ERC2: variants seen among roughly 807,000 people sequenced by gnomAD.
The protein encoded by ERC2 is ELKS/RAB6-interacting/CAST family member 2.
In ERC2, 42 loss-of-function variants were observed where a neutral mutation model predicts 114.8. The observed-to-expected ratio is 0.37, with a 90% confidence interval of 0.29 to 0.47. ERC2 has a LOEUF of 0.47. ERC2 is among the 20% of genes least tolerant of loss of function. ERC2 has a pLI of 0.99. For missense variants in ERC2, 939 were observed against 1,150.7 expected, an observed-to-expected ratio of 0.82 and a Z score of 2.66; for synonymous variants, 454 against 425.5, an observed-to-expected ratio of 1.07 and a Z score of -0.82.
At chr3:56,186,482 T>A (rs192382555) in intron 3 of ERC2, among the ~76,000 whole-genome samples, 20 of 152,248 alleles carry the variant, frequency 1.3e-4, no homozygotes, top group Admixed American at 6.5e-4. Context: ...AAGTCCAATG[T>A]CTTTCTTACT....
intron 7 of ERC2, among the ~76,000 whole-genome samples, chr3:56,042,628 C>T (rs1269297202): frequency 6.6e-6 from 1 of 152,010 alleles, no homozygotes; most frequent in Non-Finnish European, 1.5e-5. Flanking sequence ...TAAGACCGCT[C>T]CCCAAAGTGC....
chr3:56,090,760 T>C (rs1159553488), intron 6 of ERC2, among the ~76,000 whole-genome samples: 1 of 150,472 alleles, frequency 6.6e-6, no homozygotes, highest in Non-Finnish European at 1.5e-5. Flanking sequence ...TTGTGCCCGA[T>C]AGGTGATTTT....
chr3:55,562,569 G>C (rs1419061454), intron 17 of ERC2, among the ~76,000 whole-genome samples: 1 of 152,182 alleles, frequency 6.6e-6, no homozygotes, highest in Admixed American at 6.5e-5. Context: ...TGCCATATAA[G>C]AAAAGTCCAA....
chr3:56,311,255 CTATA>C lies in ERC2; in HGVS notation c.658-14824_658-14821del, dbSNP rs67320179. ...CTTCTCTCTCTCTCTCTCTCTCTCT[CTATA>C]TATATATATATATATATATATATAT... On this transcript the variant is annotated intron_variant, in intron 2 of 17. Coordinates refer to ENST00000288221, the MANE Select transcript of ERC2 (RefSeq NM_015576.3). Among the ~76,000 whole-genome samples the C allele has an allele frequency of 6.0e-3, 473 of 78,942 alleles. 6 individuals carry two copies. Among genetic ancestry groups the C allele is most frequent in the South Asian group, 0.021 (45 of 2,180 alleles). The allele number at this position is 78,942 out of a possible 152,430, so 51.8% of individuals were successfully genotyped here.
intron 3 of ERC2, among the ~76,000 whole-genome samples, chr3:56,230,269 C>T (rs777728976): frequency 6.6e-6 from 1 of 152,104 alleles, no homozygotes; most frequent in Non-Finnish European, 1.5e-5. Context: ...TATACTTCAT[C>T]GTTCTTAAAT....
chr3:55,678,495 T>C (rs1312854047), intron 17 of ERC2, among the ~76,000 whole-genome samples: 1 of 152,156 alleles, frequency 6.6e-6, no homozygotes, highest in Non-Finnish European at 1.5e-5. Context: ...TTTTTGTTTT[T>C]CCACAGATTG....
At chr3:55,948,300 A>G (rs1014421788) in intron 13 of ERC2, among the ~76,000 whole-genome samples, 1 of 152,210 alleles carries the variant, frequency 6.6e-6, no homozygotes, top group Non-Finnish European at 1.5e-5. Flanking sequence ...GTGTAGAATA[A>G]ATCAAAATTA....
intron 17 of ERC2, among the ~76,000 whole-genome samples, chr3:55,564,503 T>C (rs2056237675): frequency 1.3e-5 from 2 of 152,320 alleles, no homozygotes; most frequent in African/African-American, 4.8e-5. Flanking sequence ...ATGGGAATAA[T>C]ACTCACATTG....
chr3:55,555,121 T>G (rs911017264), intron 17 of ERC2, among the ~76,000 whole-genome samples: 1 of 151,884 alleles, frequency 6.6e-6, no homozygotes, highest in Non-Finnish European at 1.5e-5. Context: ...TCCTAATAAT[T>G]TGAGACATGC....
chr3:56,062,983 A>G (rs1302206179), intron 7 of ERC2, among the ~76,000 whole-genome samples: 1 of 152,208 alleles, frequency 6.6e-6, no homozygotes, highest in Non-Finnish European at 1.5e-5. Flanking sequence ...TATGACAGAG[A>G]TTGTTTCATA....
intron 3 of ERC2, among the ~76,000 whole-genome samples, chr3:56,225,777 A>G (rs2050210495): frequency 6.6e-6 from 1 of 152,170 alleles, no homozygotes; most frequent in African/African-American, 2.4e-5. Flanking sequence ...GGTAGCATTG[A>G]CACTAACATC....
chr3:56,208,158 A>G (rs931120691), intron 3 of ERC2, among the ~76,000 whole-genome samples: 3 of 152,230 alleles, frequency 2.0e-5, no homozygotes, highest in South Asian at 4.1e-4. Context: ...TTTTCCAATC[A>G]TTCTTCCTGG....
At chr3:56,067,578 T>C (rs576275585) in intron 7 of ERC2, among the ~76,000 whole-genome samples, 1 of 152,300 alleles carries the variant, frequency 6.6e-6, no homozygotes, top group South Asian at 2.1e-4. Context: ...TCCAATACTA[T>C]GTTGAATAGG....
At chr3:56,156,003 C>T (rs149342522) in intron 4 of ERC2, among the ~76,000 whole-genome samples, 163 of 152,112 alleles carry the variant, frequency 1.1e-3, no homozygotes, top group African/African-American at 3.8e-3. Flanking sequence ...GTTCTGAAAG[C>T]GAGTCATATA....
intron 3 of ERC2, among the ~76,000 whole-genome samples, chr3:56,289,263 T>A (rs1350145919): frequency 6.6e-6 from 1 of 152,186 alleles, no homozygotes; most frequent in African/African-American, 2.4e-5. Flanking sequence ...GTTCTTAAGT[T>A]GTCAAGGTCC....
chr3:56,406,455 G>A (rs1402839892), intron 2 of ERC2, among the ~76,000 whole-genome samples: 1 of 152,174 alleles, frequency 6.6e-6, no homozygotes, highest in African/African-American at 2.4e-5. Flanking sequence ...CCCCCTTGTT[G>A]TAATTGTGGT....
intron 7 of ERC2, among the ~76,000 whole-genome samples, chr3:56,054,984 A>C (rs1486012319): frequency 1.3e-5 from 2 of 152,186 alleles, no homozygotes; most frequent in East Asian, 3.9e-4. Context: ...AGTGCGATGT[A>C]ATTCAATATT....
chr3:56,047,021 C>T (rs1439348474), intron 7 of ERC2, among the ~76,000 whole-genome samples: 7 of 152,136 alleles, frequency 4.6e-5, no homozygotes, highest in Non-Finnish European at 8.8e-5. Flanking sequence ...GCTAGCCTGA[C>T]GCTGAAGAAA....
chr3:56,069,989 A>G (rs2076653301), intron 7 of ERC2, among the ~76,000 whole-genome samples: 1 of 152,214 alleles, frequency 6.6e-6, no homozygotes, highest in Admixed American at 6.5e-5. Context: ...ACCCACAGTA[A>G]CTGTGAAGCA....
Sources: gnomAD v4.1 joint callset for allele counts (sites outside exome capture counted in the v4.1 genomes callset) on GRCh38, gnomAD v4.1.1 for gene constraint, MANE v1.5 for transcripts, NCBI Gene and HGNC (gene_info 2026-07-23, HGNC 2026-07-21) for gene names.